WDFY3: variants seen among roughly 807,000 people sequenced by gnomAD.
WDFY3 encodes the protein WD repeat and FYVE domain containing 3, also known as WD repeat and FYVE domain-containing protein 3.
WDFY3 carries 66 observed loss-of-function variants against 409.6 expected under a neutral mutation model. That is an observed-to-expected ratio of 0.16 (90% CI 0.13 to 0.20). WDFY3 has a LOEUF of 0.20. WDFY3 is among the 10% of genes least tolerant of loss of function. WDFY3 has a pLI of 1.00. For synonymous variants in WDFY3, 1,521 were observed against 1,537.1 expected (o/e 0.99, Z 0.25); for missense variants, 3,031 against 4,298.1 (o/e 0.71, Z 8.24).
intron 26 of WDFY3, 97 bp downstream of exon 26, chr4:84,780,011 T>C: frequency 7.6e-7 from 1 of 1,320,432 alleles, no homozygotes; most frequent in Non-Finnish European, 1.0e-6. Context: ...TTGGACAATA[T>C]AATTCTTCCA....
intron 3 of WDFY3, among the ~76,000 whole-genome samples, chr4:84,877,089 T>C (rs1167828974): frequency 6.6e-6 from 1 of 152,152 alleles, no homozygotes; most frequent in African/African-American, 2.4e-5. Context: ...GTATGATTGA[T>C]TCTCATAACT....
At chr4:84,713,376 G>A in intron 50 of WDFY3, 137 bp from the exon 51 acceptor site, 4 of 677,012 alleles carry the variant, frequency 5.9e-6, no homozygotes, top group South Asian at 3.9e-5. Flanking sequence ...GCAGGCAAAA[G>A]GAATATATAA....
intron 3 of WDFY3, among the ~76,000 whole-genome samples, chr4:84,870,592 T>C (rs1455776448): frequency 6.6e-6 from 1 of 152,056 alleles, no homozygotes; most frequent in Non-Finnish European, 1.5e-5. Context: ...GAGTAATCAC[T>C]GTGAAATGCT....
chr4:84,736,414 AACCC>A, intron 41 of WDFY3, 87 bp from the exon 42 acceptor site: 19 of 1,279,124 alleles, frequency 1.5e-5, no homozygotes, highest in South Asian at 2.0e-5. Flanking sequence ...TATAAACTAC[AACCC>A]TGTAGTTAAC....
intron 2 of WDFY3, among the ~76,000 whole-genome samples, chr4:84,913,621 T>C: frequency 6.6e-6 from 1 of 152,044 alleles, no homozygotes; most frequent in East Asian, 1.9e-4. Flanking sequence ...AAATCGACAT[T>C]AGACAATCTG....
In WDFY3 at chr4:84,796,539, G is replaced by A. The variant is rs768342960; in HGVS notation, c.3149C>T (p.Thr1050Ile). ...TTCTTACCCAAACCCTTCAAGTGAT[G>A]TGTCAAATTCAACAAAAGCTGGAGT... Reference protein sequence around the residue: ...SVTPAFVEFDTSLEGFGCLFL... With the variant: ...SVTPAFVEFDISLEGFGCLFL... Residue 1050 changes from threonine (T) to isoleucine (I), a missense_variant, in exon 19 of 68, where the codon ACA (threonine) becomes ATA (isoleucine). Thr to Ile is a moderately conservative substitution (Grantham distance 89). Coordinates refer to ENST00000295888, the MANE Select transcript of WDFY3 (RefSeq NM_014991.6). The A allele has an allele frequency of 6.3e-7, 1 of 1,595,956 alleles. No homozygotes were observed. Among genetic ancestry groups the A allele is most frequent in the Non-Finnish European group, 8.5e-7 (1 of 1,169,706 alleles).
chr4:84,804,625 T>C (rs1464358763), intron 15 of WDFY3, among the ~76,000 whole-genome samples: 1 of 152,192 alleles, frequency 6.6e-6, no homozygotes, highest in Non-Finnish European at 1.5e-5. Context: ...CTAAGAAAAA[T>C]ATTCAAAATG....
intron 44 of WDFY3, among the ~76,000 whole-genome samples, chr4:84,732,793 G>A (rs1388739801): frequency 6.6e-6 from 1 of 152,012 alleles, no homozygotes; most frequent in East Asian, 1.9e-4. Flanking sequence ...AGACACTTAA[G>A]TTGATGCTAA....
chr4:84,716,438 C>CAAAAAAA, intron 49 of WDFY3, among the ~76,000 whole-genome samples: 1 of 55,598 alleles, frequency 1.8e-5, no homozygotes, highest in Non-Finnish European at 3.6e-5. Flanking sequence ...GACTCCATCT[C>CAAAAAAA]AAAAAAAAAA....
intron 1 of WDFY3, among the ~76,000 whole-genome samples, chr4:84,941,443 C>T (rs1772112212): frequency 6.6e-6 from 1 of 151,860 alleles, no homozygotes; most frequent in African/African-American, 2.4e-5. Flanking sequence ...ACAAACTGTG[C>T]AAAATCTGTC....
chr4:84,819,744 C>A (rs1753802064), intron 12 of WDFY3, among the ~76,000 whole-genome samples: 1 of 151,968 alleles, frequency 6.6e-6, no homozygotes, highest in Non-Finnish European at 1.5e-5. Flanking sequence ...TAAAAATATT[C>A]TTTAAATCAC....
In WDFY3 at chr4:84,801,701, T is replaced by C; in HGVS notation, c.2771A>G (p.Gln924Arg). The change falls in exon 17 of 68, where the codon CAG (glutamine) becomes CGG (arginine). Residue 924 changes from glutamine (Q) to arginine (R), a missense_variant. Around this residue, in one of 16 missense-constraint regions of WDFY3, gnomAD observed 1,322 missense variants for 1,697.9 expected, o/e 0.78. Coordinates refer to ENST00000295888, the MANE Select transcript of WDFY3 (RefSeq NM_014991.6). ...DEDHSLHPPL[Q>R]RMFERLASQA... ...AGAGGCTAATCGTTCAAACATCCGC[T>C]GCAGGGGCGGGTGCAGTGAGTGGTC... The C allele has an allele frequency of 6.2e-7, 1 of 1,612,624 alleles. No individual in the cohort carries two copies. The highest frequency in any genetic ancestry group is 8.5e-7 in the Non-Finnish European group (1 of 1,179,630).
intron 25 of WDFY3, among the ~76,000 whole-genome samples, chr4:84,782,060 C>T (rs756161047): frequency 1.3e-5 from 2 of 152,104 alleles, no homozygotes; most frequent in Non-Finnish European, 2.9e-5. Context: ...TGGTTTATGT[C>T]TCAAGATCCT....
At chr4:84,953,636 C>T (rs1433383506) in intron 1 of WDFY3, among the ~76,000 whole-genome samples, 2 of 152,148 alleles carry the variant, frequency 1.3e-5, no homozygotes, top group East Asian at 3.9e-4. Context: ...TAAAATGCTT[C>T]AGGAGCAAGA....
intron 30 of WDFY3, among the ~76,000 whole-genome samples, chr4:84,766,643 T>C (rs1017318988): frequency 1.3e-5 from 2 of 152,162 alleles, no homozygotes; most frequent in Non-Finnish European, 2.9e-5. Context: ...GCCTTCCCAG[T>C]AGGGGGAAAG....
At chr4:84,875,547 T>C (rs564068875) in intron 3 of WDFY3, among the ~76,000 whole-genome samples, 1 of 152,196 alleles carries the variant, frequency 6.6e-6, no homozygotes, top group Non-Finnish European at 1.5e-5. Context: ...AACTTCAGCT[T>C]ACTGAAACTC....
In WDFY3 at chr4:84,712,979, T is replaced by A. The variant is rs76563278; in HGVS notation, c.8042+180A>T. 0.031 allele frequency among the ~76,000 whole-genome samples: 4,690 copies of A among 152,276 alleles called. 215 individuals carry two copies. Among genetic ancestry groups the A allele is most frequent in the African/African-American group, 0.11 (4,432 of 41,534 alleles). On this transcript the variant is annotated intron_variant, in intron 51 of 67. Coordinates refer to ENST00000295888, the MANE Select transcript of WDFY3 (RefSeq NM_014991.6). ...TAATTGATCAAAATGTGAGCAGTGA[T>A]TTGACACAGTGCTTATGCATACCTT...
At position 84,932,050 on chromosome 4, in the gene WDFY3, T is replaced by C. The variant is rs569634052; in HGVS notation, c.-132+220A>G. On this transcript the variant is annotated intron_variant, in intron 2 of 67. Transcript: ENST00000295888. The stretch of plus-strand genomic sequence containing the variant: ...TTAAAGCCAAAATTGAAACTGAAGA[T>C]AACTTATTCTAATGTAGCCCTGTTT... Among the ~76,000 whole-genome samples the C allele has an allele frequency of 3.3e-5, 5 of 152,274 alleles. No homozygotes were observed. In the South Asian group the frequency reaches 6.2e-4, roughly 19 times the overall value.
intron 2 of WDFY3, among the ~76,000 whole-genome samples, chr4:84,904,168 GA>G (rs1307019728): frequency 6.6e-6 from 1 of 152,198 alleles, no homozygotes; most frequent in Non-Finnish European, 1.5e-5. Context: ...ACCAGACACT[GA>G]ATCTGCTGGT....
Sources: gnomAD v4.1 joint callset for allele counts (sites outside exome capture counted in the v4.1 genomes callset) on GRCh38, gnomAD v4.1.1 for gene constraint, gnomAD v4.1.1 regional missense constraint, MANE v1.5 for transcripts, NCBI Gene and HGNC (gene_info 2026-07-23, HGNC 2026-07-21) for gene names.